Variants in CREB3L2 observed in about 807,000 individuals in gnomAD.
CREB3L2 encodes the protein cAMP responsive element binding protein 3 like 2.
Under a neutral mutation model 57.2 loss-of-function variants are expected in CREB3L2, and 23 were observed. The ratio of observed to expected loss-of-function variants is 0.40; its 90% confidence interval spans 0.29 to 0.57. CREB3L2 has a LOEUF of 0.57. CREB3L2 is among the 20% of genes least tolerant of loss of function. The pLI, the probability that CREB3L2 is intolerant of heterozygous loss-of-function variation, is 0.42. For synonymous variants in CREB3L2, 268 were observed against 265.1 expected, an observed-to-expected ratio of 1.01 and a Z score of -0.11; for missense variants, 628 against 634.7, an observed-to-expected ratio of 0.99 and a Z score of 0.11.
rs1038374457 is a variant in CREB3L2, at chr7:137,956,547, C to G, written c.103-28181G>C. 7 of 1,219,186 alleles carry G rather than the reference C, an allele frequency of 5.7e-6. No individual in the cohort carries two copies. The South Asian group carries it at 8.8e-5, about 15-fold the overall frequency. 75.5% of individuals were successfully genotyped at this position (1,219,186 alleles called of 1,614,324 possible). On this transcript the variant is annotated intron_variant, in intron 1 of 11. Coordinates refer to ENST00000330387, the MANE Select transcript of CREB3L2 (RefSeq NM_194071.4). ...CTCCTAAGCCCACCTGAGCTGCTTT[C>G]AAACTGCCATTGCACTCTCTACCTT...
chr7:137,927,787 G>GGA (rs111972130), intron 2 of CREB3L2, among the ~76,000 whole-genome samples: 3 of 141,546 alleles, frequency 2.1e-5, no homozygotes, highest in Non-Finnish European at 4.6e-5. Flanking sequence ...TTCTTTCTCA[G>GGA]AAAAAAAAAA....
At chr7:137,912,741 C>A in intron 4 of CREB3L2, 2 of 1,087,076 alleles carry the variant, frequency 1.8e-6, no homozygotes, top group South Asian at 1.6e-5. Context: ...AAATATCACC[C>A]TGGTTAGAAG....
intron 1 of CREB3L2, among the ~76,000 whole-genome samples, chr7:137,993,173 G>C (rs983618893): frequency 6.6e-6 from 1 of 152,194 alleles, no homozygotes; most frequent in Admixed American, 6.5e-5. Context: ...TCAAAGAGAA[G>C]ACATTTGACT....
chr7:137,958,861 A>G (rs1249640977), intron 1 of CREB3L2, among the ~76,000 whole-genome samples: 1 of 152,226 alleles, frequency 6.6e-6, no homozygotes, highest in Non-Finnish European at 1.5e-5. Flanking sequence ...AGGAAGGTCC[A>G]GTGCAGTCAG....
Position 137,879,218 on chromosome 7 carries a change from CTT to C in CREB3L2, c.*1256_*1257del, listed in dbSNP as rs1242938017. On this transcript the variant is annotated 3_prime_UTR_variant, in exon 12 of 12. Coordinates refer to ENST00000330387, the MANE Select transcript of CREB3L2 (RefSeq NM_194071.4). ...GTAGGTTGGGGATTAGGTTGTATCT[CTT>C]TGGGCGAGCTGCAAAGTAGCCAAAC... 3.7e-6 allele frequency: 2 copies of C among 534,650 alleles called. No individual in the cohort carries two copies. Among genetic ancestry groups the C allele is most frequent in the African/African-American group, 3.7e-5 (2 of 53,700 alleles). 33.1% of individuals were successfully genotyped at this position (534,650 alleles called of 1,614,324 possible).
chr7:137,878,255 T>C lies in CREB3L2; in HGVS notation c.*2221A>G. 1 of 232,804 alleles carries C rather than the reference T, an allele frequency of 4.3e-6. No homozygotes were observed. Among genetic ancestry groups the C allele is most frequent in the Non-Finnish European group, 8.5e-6 (1 of 117,762 alleles). The allele number at this position is 232,804 out of a possible 1,614,324, so 14.4% of individuals were successfully genotyped here. A position where few individuals can be genotyped will look rare whatever the true frequency, so the allele number is the denominator to read the frequency against. On this transcript the variant is annotated 3_prime_UTR_variant, in exon 12 of 12. Transcript: ENST00000330387. ...AAGAGCACGTTTCCTACTCTACGTC[T>C]GGGAGCCTTGAAAACCCAGTCTGGT... is the stretch of plus-strand genomic sequence containing the variant.
intron 1 of CREB3L2, chr7:137,956,535 C>G: frequency 9.4e-7 from 1 of 1,058,902 alleles, no homozygotes; most frequent in Non-Finnish European, 1.3e-6. Flanking sequence ...CTAAGCCCAC[C>G]TGAGCTGCTT....
rs1420334317 is a variant in CREB3L2, at chr7:137,879,810, G to A, written c.*666C>T. 4.2e-6 allele frequency: 1 copy of A among 235,418 alleles called. No individual in the cohort carries two copies. Among genetic ancestry groups the A allele is most frequent in the Non-Finnish European group, 8.4e-6 (1 of 119,442 alleles). The allele number at this position is 235,418 out of a possible 1,614,324, so 14.6% of individuals were successfully genotyped here. A position where few individuals can be genotyped will look rare whatever the true frequency, so the allele number is the denominator to read the frequency against. ...ATGGATGTGTGGGGAACCAGGTTGT[G>A]GGAGGTCCTAAAAGCGACAAGATGG... is the stretch of plus-strand genomic sequence containing the variant. On this transcript the variant is annotated 3_prime_UTR_variant, in exon 12 of 12. Transcript: ENST00000330387.
At chr7:137,881,947 TTTAA>T (rs1465213462) in intron 11 of CREB3L2, among the ~76,000 whole-genome samples, 8 of 152,240 alleles carry the variant, frequency 5.3e-5, no homozygotes, top group Admixed American at 3.9e-4. Flanking sequence ...TATGTATAGT[TTTAA>T]TTAACACATG....
intron 8 of CREB3L2, among the ~76,000 whole-genome samples, chr7:137,891,809 C>A (rs1248649619): frequency 6.6e-6 from 1 of 152,132 alleles, no homozygotes; most frequent in African/African-American, 2.4e-5. Flanking sequence ...GAACTCCTGA[C>A]CTCAGGTGAT....
intron 1 of CREB3L2, among the ~76,000 whole-genome samples, chr7:137,941,153 T>A (rs765857): frequency 0.091 from 13,834 of 152,308 alleles, 920 homozygotes; most frequent in Admixed American, 0.22. Flanking sequence ...ATAGTCTACA[T>A]CAGCTCTGTA....
chr7:137,931,438 G>A (rs1034242656), intron 1 of CREB3L2, among the ~76,000 whole-genome samples: 4 of 150,548 alleles, frequency 2.7e-5, no homozygotes, highest in African/African-American at 9.8e-5. Context: ...AGCAGAATGG[G>A]GTGAACCCAG....
chr7:137,975,453 C>T lies in CREB3L2; in HGVS notation c.102+26151G>A, dbSNP rs118179654. ...TGCAACCTCACATCTGCAGGACTCT[C>T]GCCCCTTCTCTCTTTTTTAAAGGGC... On this transcript the variant is annotated intron_variant, in intron 1 of 11. Transcript: ENST00000330387. Among the ~76,000 whole-genome samples, 1,027 of 152,318 alleles carry T rather than the reference C, an allele frequency of 6.7e-3. 4 individuals are homozygous for T. Among genetic ancestry groups the T allele is most frequent in the Non-Finnish European group, 0.01 (699 of 68,026 alleles).
intron 1 of CREB3L2, among the ~76,000 whole-genome samples, chr7:137,976,156 T>C (rs918559945): frequency 3.3e-5 from 5 of 152,274 alleles, no homozygotes; most frequent in Admixed American, 2.6e-4. Context: ...ATGGATATTT[T>C]ATCAGCCAGG....
chr7:137,989,862 C>T (rs1440627274), intron 1 of CREB3L2, among the ~76,000 whole-genome samples: 1 of 152,154 alleles, frequency 6.6e-6, no homozygotes, highest in Non-Finnish European at 1.5e-5. Context: ...TCCCATAGCC[C>T]TCATGCCCTG....
chr7:137,947,747 G>A (rs918446261), intron 1 of CREB3L2, among the ~76,000 whole-genome samples: 1 of 152,144 alleles, frequency 6.6e-6, no homozygotes, highest in African/African-American at 2.4e-5. Context: ...CTGAGGGGAG[G>A]GAGGAAGAAG....
At chr7:137,940,541 C>T (rs934694923) in intron 1 of CREB3L2, among the ~76,000 whole-genome samples, 2 of 152,194 alleles carry the variant, frequency 1.3e-5, no homozygotes, top group Non-Finnish European at 2.9e-5. Flanking sequence ...GAACTGAAAT[C>T]TACACTACAG....
intron 1 of CREB3L2, among the ~76,000 whole-genome samples, chr7:137,952,465 C>T (rs151309706): frequency 1.3e-5 from 2 of 152,344 alleles, no homozygotes; most frequent in South Asian, 2.1e-4. Flanking sequence ...GTGTCCATGA[C>T]CCCTACGGTA....
At chr7:137,929,645 A>G (rs969606060) in intron 1 of CREB3L2, among the ~76,000 whole-genome samples, 2 of 151,322 alleles carry the variant, frequency 1.3e-5, no homozygotes, top group East Asian at 2.0e-4. Flanking sequence ...GGCGGATCAC[A>G]AGGTCAGGAG....
Sources: allele counts gnomAD v4.1 joint callset (sites outside exome capture counted in the v4.1 genomes callset), GRCh38; gene constraint gnomAD v4.1.1; transcripts MANE v1.5; gene names NCBI Gene and HGNC (gene_info 2026-07-23, HGNC 2026-07-21).